Variants in PPARGC1B observed in about 807,000 individuals in gnomAD.
The protein encoded by PPARGC1B is peroxisome proliferator-activated receptor gamma coactivator 1-beta.
Under a neutral mutation model 101.6 loss-of-function variants are expected in PPARGC1B, and 34 were observed. The ratio of observed to expected loss-of-function variants is 0.33; its 90% confidence interval spans 0.25 to 0.45. The LOEUF (loss-of-function observed/expected upper bound fraction) is 0.45. PPARGC1B is among the 20% of genes least tolerant of loss of function. The pLI is 1.00. For missense variants in PPARGC1B, 1,234 were observed against 1,317.6 expected (o/e 0.94, Z 0.98); for synonymous variants, 548 against 539.3 (o/e 1.02, Z -0.22).
At position 149,853,466 on chromosome 5, in the gene PPARGC1B, G is replaced by A. The variant is rs945478416; in HGVS notation, c.*5908G>A. ...TGGACCAGGAGAGGTCCAGGTGCCC[G>A]GGAAGGGTTTACTGTAACTGCAATA... On this transcript the variant is annotated 3_prime_UTR_variant, in exon 12 of 12. Coordinates refer to ENST00000309241, the MANE Select transcript of PPARGC1B (RefSeq NM_133263.4). The surrounding 1 kb of genome is among the most constrained non-coding windows in gnomAD (Gnocchi z 4.2). 8 of 152,168 alleles carry A rather than the reference G, an allele frequency of 5.3e-5. No homozygotes were observed. Among genetic ancestry groups the A allele is most frequent in the Admixed American group, 3.3e-4 (5 of 15,278 alleles). 9.4% of individuals were successfully genotyped at this position (152,168 alleles called of 1,614,324 possible). A position where few individuals can be genotyped will look rare whatever the true frequency, so the allele number is the denominator to read the frequency against.
rs1221455764 is a variant in PPARGC1B, at chr5:149,734,321, C to CAAAAA, written c.78+3921_78+3925dup. Reference sequence around the variant, plus strand: ...TGGACAAAAGAGCGAAACTCATTCTCAAAAAAAAAAAAAAAAAAAAAAAAG... The same window carrying CAAAAA: ...TGGACAAAAGAGCGAAACTCATTCTCAAAAAAAAAAAAAAAAAAAAAAAAAAAAAG... On this transcript the variant is annotated intron_variant, in intron 1 of 11. Coordinates refer to ENST00000309241, the MANE Select transcript of PPARGC1B (RefSeq NM_133263.4). Among the ~76,000 whole-genome samples the CAAAAA allele has an allele frequency of 7.8e-5, 5 of 64,502 alleles. No individual in the cohort carries two copies. In the East Asian group the frequency reaches 2.1e-3, roughly 27 times the overall value. The allele number at this position is 64,502 out of a possible 152,430, so 42.3% of individuals were successfully genotyped here.
In PPARGC1B at chr5:149,854,601, G is replaced by A. The variant is rs989741187; in HGVS notation, c.*7043G>A. ...GATTTTTATATATTTTTTCCATTTT[G>A]TTGGGTTGTGTCCTTATTTATATAA... On this transcript the variant is annotated 3_prime_UTR_variant, in exon 12 of 12. Coordinates refer to ENST00000309241, the MANE Select transcript of PPARGC1B (RefSeq NM_133263.4). 3 of 151,724 alleles carry A rather than the reference G, an allele frequency of 2.0e-5. No homozygotes were observed. The South Asian group carries it at 6.3e-4, about 32-fold the overall frequency. The allele number at this position is 151,724 out of a possible 1,614,324, so 9.4% of individuals were successfully genotyped here. A position where few individuals can be genotyped will look rare whatever the true frequency, so the allele number is the denominator to read the frequency against.
chr5:149,731,511 G>A (rs1373946457), intron 1 of PPARGC1B, among the ~76,000 whole-genome samples: 4 of 152,286 alleles, frequency 2.6e-5, no homozygotes, highest in East Asian at 3.9e-4. Flanking sequence ...GGAGAGGGGC[G>A]GCCGGGCGGA....
At chr5:149,845,671 G>A in intron 10 of PPARGC1B, 89 bp from the exon 11 acceptor site, 2 of 1,372,358 alleles carry the variant, frequency 1.5e-6, no homozygotes, top group South Asian at 2.8e-5. Context: ...GAATCACTGT[G>A]GCAGTCGGTT....
chr5:149,773,049 A>G (rs532713487), intron 1 of PPARGC1B, among the ~76,000 whole-genome samples: 1 of 152,110 alleles, frequency 6.6e-6, no homozygotes, highest in Non-Finnish European at 1.5e-5. Context: ...TTGGGGTATG[A>G]TGCTTGGTGT....
intron 2 of PPARGC1B, among the ~76,000 whole-genome samples, chr5:149,824,437 T>G (rs2113368960): frequency 6.6e-6 from 1 of 152,296 alleles, no homozygotes; most frequent in African/African-American, 2.4e-5. Context: ...CTTAGGGACC[T>G]AAGCACTCTA....
chr5:149,856,222 T>C (rs2113476669), downstream of PPARGC1B, among the ~76,000 whole-genome samples: 1 of 152,352 alleles, frequency 6.6e-6, no homozygotes, highest in South Asian at 2.1e-4. Flanking sequence ...AACTCATACA[T>C]ATATTCTCCT....
chr5:149,743,451 G>A (rs1322561616), intron 1 of PPARGC1B, among the ~76,000 whole-genome samples: 11 of 151,992 alleles, frequency 7.2e-5, no homozygotes, highest in East Asian at 1.9e-4. Context: ...CACCGTGCCC[G>A]GCCCTATTTA....
At chr5:149,847,350 C>T (rs752589533) in intron 11 of PPARGC1B, 108 bp from the exon 12 acceptor site, 1 of 852,892 alleles carries the variant, frequency 1.2e-6, no homozygotes, top group Admixed American at 1.7e-5. Context: ...CCTTGGGCTG[C>T]AGCCACTCCA....
At chr5:149,731,910 A>G (rs1036078560) in intron 1 of PPARGC1B, among the ~76,000 whole-genome samples, 3 of 151,930 alleles carry the variant, frequency 2.0e-5, no homozygotes, top group African/African-American at 4.8e-5. Flanking sequence ...GCCGCTGCGT[A>G]GGGGAGCCGC....
At chr5:149,831,756 G>A (rs1758792158) in intron 4 of PPARGC1B, among the ~76,000 whole-genome samples, 1 of 152,208 alleles carries the variant, frequency 6.6e-6, no homozygotes, top group Admixed American at 6.5e-5. Context: ...TCACACTTGG[G>A]GGGAAAGCCC....
intron 1 of PPARGC1B, among the ~76,000 whole-genome samples, chr5:149,790,723 G>A (rs573523139): frequency 1.5e-4 from 23 of 152,254 alleles, no homozygotes; most frequent in African/African-American, 5.3e-4. Context: ...CTTCTGTTGG[G>A]TGGGTCCCAG....
At chr5:149,781,768 G>A (rs1034664432) in intron 1 of PPARGC1B, among the ~76,000 whole-genome samples, 6 of 151,926 alleles carry the variant, frequency 3.9e-5, no homozygotes. Context: ...GGGATGTCCT[G>A]GCCAAGGCAG....
At position 149,818,698 on chromosome 5, in the gene PPARGC1B, C is replaced by T. The variant is rs953033664; in HGVS notation, c.79-1735C>T. ...TGTCACATATGCCTCTTTTTGTTCTCTGAGAAGTTCCCGCTCCTCTCTGCC... is the reference window on the plus strand; with the variant it reads ...TGTCACATATGCCTCTTTTTGTTCTTTGAGAAGTTCCCGCTCCTCTCTGCC... On this transcript the variant is annotated intron_variant, in intron 1 of 11. Transcript: ENST00000309241. The T allele has an allele frequency of 4.7e-4, 177 of 375,132 alleles. 5 individuals are homozygous for T. Among genetic ancestry groups the T allele is most frequent in the South Asian group, 3.7e-3 (174 of 47,008 alleles). The allele number at this position is 375,132 out of a possible 1,614,324, so 23.2% of individuals were successfully genotyped here. A position where few individuals can be genotyped will look rare whatever the true frequency, so the allele number is the denominator to read the frequency against.
At chr5:149,857,148 A>G (rs1277760134), downstream of PPARGC1B, among the ~76,000 whole-genome samples, 2 of 152,004 alleles carry the variant, frequency 1.3e-5, no homozygotes, top group Non-Finnish European at 2.9e-5. Flanking sequence ...TAACCTCTCT[A>G]AGTCTGCTCC....
In PPARGC1B at chr5:149,836,960, C is replaced by T. The variant is rs767947161; in HGVS notation, c.2505C>T (p.Cys835=). The change falls in exon 8 of 12, where the codon TGC becomes TGT. Residue 835 remains cysteine, a synonymous_variant. Transcript: ENST00000309241. The stretch of plus-strand genomic sequence containing the variant: ...TCAGCCCCACTTGCTCTGACCACTG[C>T]CCCTACCAGAGCCCACCAAGCAAGG... The part of the protein sequence containing the change: ...SGVSPTCSDH[C]PYQSPPSKAN... 39 of 1,613,972 alleles carry T rather than the reference C, an allele frequency of 2.4e-5. No homozygotes were observed. The highest frequency in any genetic ancestry group is 3.1e-5 in the Non-Finnish European group (37 of 1,180,046).
rs376420746 is a variant in PPARGC1B, at chr5:149,756,367, A to G, written c.78+25947A>G. Among the ~76,000 whole-genome samples the G allele has an allele frequency of 1.2e-3, 179 of 152,180 alleles. 5 individuals carry two copies. The South Asian group carries it at 0.033, about 28-fold the overall frequency. On this transcript the variant is annotated intron_variant, in intron 1 of 11. Coordinates refer to ENST00000309241, the MANE Select transcript of PPARGC1B (RefSeq NM_133263.4). ...CTTGGGAGGCTGAGGCAGGAGAATC[A>G]CTTGAACCCAGGAGGCAGAGGTTGT...
Position 149,847,810 on chromosome 5 carries a change from G to A in PPARGC1B, c.*252G>A. 2.0e-6 allele frequency: 1 copy of A among 494,330 alleles called. No homozygotes were observed. 30.6% of individuals were successfully genotyped at this position (494,330 alleles called of 1,614,324 possible). A position where few individuals can be genotyped will look rare whatever the true frequency, so the allele number is the denominator to read the frequency against. ...ACATTAGTGTCCTCGCTTCCAACGG[G>A]TTGTCCCGGGTGCACCTCGAAGTGC... On this transcript the variant is annotated 3_prime_UTR_variant, in exon 12 of 12. Transcript: ENST00000309241.
chr5:149,788,172 C>T (rs1426176154), intron 1 of PPARGC1B, among the ~76,000 whole-genome samples: 1 of 152,154 alleles, frequency 6.6e-6, no homozygotes, highest in African/African-American at 2.4e-5. Context: ...TTACAATCTA[C>T]CCATCTGACA....
Sources: gnomAD v4.1 joint callset for allele counts (sites outside exome capture counted in the v4.1 genomes callset) on GRCh38, gnomAD v4.1.1 for gene constraint, Gnocchi (gnomAD v3.1) non-coding constraint, MANE v1.5 for transcripts, NCBI Gene and HGNC (gene_info 2026-07-23, HGNC 2026-07-21) for gene names.